The following ZNF391 variants were observed in gnomAD, a reference collection of about 807,000 sequenced individuals.
ZNF391 encodes zinc finger protein 391.
For missense variants in ZNF391, 375 were observed against 425.5 expected (o/e 0.88, Z 1.04); for synonymous variants, 126 against 142.1 (o/e 0.89, Z 0.80).
intron 1 of ZNF391, 38 bp downstream of exon 1, chr6:27,389,113 G>T: frequency 4.4e-6 from 2 of 456,700 alleles, no homozygotes; most frequent in South Asian, 1.5e-5. Context: ...CGGAAACACG[G>T]GTTCTTCGAA....
At chr6:27,375,197 T>G (rs1262757892) in intron 1 of ZNF391, 2 of 152,312 alleles carry the variant, frequency 1.3e-5, no homozygotes, top group Non-Finnish European at 2.9e-5. Flanking sequence ...GGTTTACCTG[T>G]CCGAAGAGAA....
intron 1 of ZNF391, among the ~76,000 whole-genome samples, chr6:27,378,574 G>C (rs1045453443): frequency 6.6e-6 from 1 of 152,110 alleles, no homozygotes; most frequent in African/African-American, 2.4e-5. Flanking sequence ...TTTTGTGGTG[G>C]AATGCCGTCA....
At chr6:27,398,715 G>A (rs554870098) in intron 1 of ZNF391, among the ~76,000 whole-genome samples, 5 of 152,146 alleles carry the variant, frequency 3.3e-5, no homozygotes, top group African/African-American at 1.2e-4. Flanking sequence ...AAAACTAGCC[G>A]GGGTGTGGTG....
intron 1 of ZNF391, among the ~76,000 whole-genome samples, chr6:27,382,052 G>A (rs1158798355): frequency 3.9e-5 from 2 of 51,666 alleles, no homozygotes; most frequent in Admixed American, 1.8e-4. Context: ...AAAAAAAAAG[G>A]CCGGCTGCGT....
intron 1 of ZNF391, among the ~76,000 whole-genome samples, chr6:27,380,107 G>A (rs1212079924): frequency 2.6e-5 from 4 of 152,208 alleles, no homozygotes; most frequent in African/African-American, 4.8e-5. Context: ...ACCAGTCTGG[G>A]CAACATAGTA....
chr6:27,391,839 A>G (rs1330383710), intron 1 of ZNF391, among the ~76,000 whole-genome samples: 1 of 152,172 alleles, frequency 6.6e-6, no homozygotes, highest in Non-Finnish European at 1.5e-5. Flanking sequence ...CTAATTCATC[A>G]TTAGATGATT....
At chr6:27,397,693 G>A (rs1303589900) in intron 1 of ZNF391, among the ~76,000 whole-genome samples, 1 of 152,204 alleles carries the variant, frequency 6.6e-6, no homozygotes, top group South Asian at 2.1e-4. Flanking sequence ...GCAGCGGTGC[G>A]ATCTCGGCTC....
At chr6:27,384,791 G>A (rs1462798482), upstream of ZNF391, among the ~76,000 whole-genome samples, 1 of 152,144 alleles carries the variant, frequency 6.6e-6, no homozygotes, top group Non-Finnish European at 1.5e-5. Context: ...GCCGAGGCAG[G>A]CAGACCACCT....
At chr6:27,392,742 G>C (rs1161256172) in intron 1 of ZNF391, among the ~76,000 whole-genome samples, 1 of 152,228 alleles carries the variant, frequency 6.6e-6, no homozygotes, top group Admixed American at 6.5e-5. Flanking sequence ...AACAGAAAGT[G>C]TGATTCAGGC....
chr6:27,392,709 T>C (rs1278236933), intron 1 of ZNF391, among the ~76,000 whole-genome samples: 1 of 152,238 alleles, frequency 6.6e-6, no homozygotes, highest in Non-Finnish European at 1.5e-5. Context: ...GAGTTTAGTT[T>C]CTTGGCCATT....
At chr6:27,390,588 C>T (rs1364490251) in intron 1 of ZNF391, among the ~76,000 whole-genome samples, 2 of 152,170 alleles carry the variant, frequency 1.3e-5, no homozygotes, top group Non-Finnish European at 2.9e-5. Context: ...TTGTCACATC[C>T]GCTAGACTTC....
intron 1 of ZNF391, among the ~76,000 whole-genome samples, chr6:27,397,369 A>G (rs187782748): frequency 1.5e-3 from 229 of 152,270 alleles, no homozygotes; most frequent in African/African-American, 5.2e-3. Flanking sequence ...TGCTAAACCA[A>G]TCAGGAGGAA....
intron 1 of ZNF391, among the ~76,000 whole-genome samples, chr6:27,377,781 A>T (rs1761439800): frequency 6.6e-6 from 1 of 152,238 alleles, no homozygotes. Context: ...TTTCTAAATT[A>T]ACTGAGACCT....
intron 1 of ZNF391, among the ~76,000 whole-genome samples, chr6:27,392,240 G>T (rs534684572): frequency 6.6e-6 from 1 of 152,228 alleles, no homozygotes; most frequent in Admixed American, 6.5e-5. Flanking sequence ...CTTCAGTGGA[G>T]GCCAGAGACT....
At chr6:27,388,487 C>T (rs1761619028), upstream of ZNF391, among the ~76,000 whole-genome samples, 1 of 152,172 alleles carries the variant, frequency 6.6e-6, no homozygotes, top group African/African-American at 2.4e-5. Flanking sequence ...TGTATTTTAA[C>T]AAGCTCACTT....
At position 27,400,940 on chromosome 6, in the gene ZNF391, A is replaced by G. The variant is rs1761943544; in HGVS notation, c.570A>G (p.Glu190=). The change falls in exon 3 of 3, where the codon GAA becomes GAG. Residue 190 remains glutamate, a synonymous_variant. Transcript: ENST00000244576. ...LSLHQRIHTG[E]KPYECSECGK... is the part of the protein sequence containing the mutation. ...TACATCAGAGAATCCATACTGGAGA[A>G]AAACCATATGAATGTAGTGAATGTG... 6.2e-7 allele frequency: 1 copy of G among 1,614,076 alleles called. No individual in the cohort carries two copies. Among genetic ancestry groups the G allele is most frequent in the Admixed American group, 1.7e-5 (1 of 60,006 alleles).
intron 1 of ZNF391, among the ~76,000 whole-genome samples, chr6:27,382,033 T>TAAAAAAA (rs1216446131): frequency 8.0e-5 from 1 of 12,528 alleles, no homozygotes; most frequent in Non-Finnish European, 1.9e-4. Flanking sequence ...AGACTCCATC[T>TAAAAAAA]CAAAAAAAAA....
rs2113646195 is a variant in ZNF391, at chr6:27,388,987, G to T, written c.-276G>T. On this transcript the variant is annotated 5_prime_UTR_variant, in exon 1 of 3. Coordinates refer to ENST00000244576, the MANE Select transcript of ZNF391 (RefSeq NM_001076781.3). ...CCCAAGCCCAGCGCACTCAGGTTCC[G>T]CTCCAAGTGCGGGACCCGCCCGGGG... 1 of 456,462 alleles carries T rather than the reference G, an allele frequency of 2.2e-6. No homozygotes were observed. Among genetic ancestry groups the T allele is most frequent in the South Asian group, 1.5e-5 (1 of 64,532 alleles). 28.3% of individuals were successfully genotyped at this position (456,462 alleles called of 1,614,324 possible).
At position 27,395,404 on chromosome 6, in the gene ZNF391, G is replaced by T. The variant is rs141343237; in HGVS notation, c.-187-4038G>T. Reference sequence around the variant, plus strand: ...TGCTCCTGCTTTCCCTATGTGATATGCCTGCTCCCCTTTCACCTTCCGTTG... The same window carrying T: ...TGCTCCTGCTTTCCCTATGTGATATTCCTGCTCCCCTTTCACCTTCCGTTG... On this transcript the variant is annotated intron_variant, in intron 1 of 2. Coordinates refer to ENST00000244576, the MANE Select transcript of ZNF391 (RefSeq NM_001076781.3). 6.6e-3 allele frequency among the ~76,000 whole-genome samples: 1,001 copies of T among 152,206 alleles called. 14 individuals carry two copies. Among genetic ancestry groups the T allele is most frequent in the African/African-American group, 0.023 (964 of 41,520 alleles).
Sources: allele counts gnomAD v4.1 joint callset (sites outside exome capture counted in the v4.1 genomes callset), GRCh38; gene constraint gnomAD v4.1.1; transcripts MANE v1.5; gene names NCBI Gene and HGNC (gene_info 2026-07-23, HGNC 2026-07-21).